The following MYH6 variants were observed in gnomAD, a reference collection of about 807,000 sequenced individuals.
MYH6 encodes the protein myosin heavy chain 6.
In MYH6, 126 loss-of-function variants were observed where a neutral mutation model predicts 223.2. The observed-to-expected ratio is 0.56, with a 90% CI of 0.49 to 0.65. The LOEUF is 0.65. MYH6 is among the 30% of genes least tolerant of loss of function. MYH6 has a pLI of 0.00. For synonymous variants in MYH6, 978 were observed against 1,010.2 expected, an observed-to-expected ratio of 0.97 and a Z score of 0.61; for missense variants, 2,040 against 2,536.4, an observed-to-expected ratio of 0.80 and a Z score of 4.20.
chr14:23,392,041 G>A (rs1240291345), intron 25 of MYH6, among the ~76,000 whole-genome samples: 1 of 152,142 alleles, frequency 6.6e-6, no homozygotes, highest in African/African-American at 2.4e-5. Context: ...CATTTTACAG[G>A]TGAGAAGAGA....
intron 29 of MYH6, 33 bp from the exon 30 acceptor site, chr14:23,388,371 A>G (rs1891106823): frequency 6.2e-7 from 1 of 1,608,346 alleles, no homozygotes; most frequent in African/African-American, 1.4e-5. Flanking sequence ...TGTGTGTGTG[A>G]CTCTACTGGG....
rs191670514 is a variant in MYH6, at chr14:23,403,847, A to C, written c.736-69T>G. ...AGAGTGAAATCCTGGCCCTCTGTTC[A>C]GCCCAGAAGCCCTGGATGGTTCTGG... On this transcript the variant is annotated intron_variant, in intron 8 of 38. Coordinates refer to ENST00000405093, the MANE Select transcript of MYH6 (RefSeq NM_002471.4). 3.9e-3 allele frequency: 5,157 copies of C among 1,339,410 alleles called. 21 individuals carry two copies. The highest frequency in any genetic ancestry group is 4.6e-3 in the Non-Finnish European group (4,339 of 950,000). The allele number at this position is 1,339,410 out of a possible 1,614,324, so 83.0% of individuals were successfully genotyped here.
chr14:23,394,697 T>C (rs893937535), intron 20 of MYH6, among the ~76,000 whole-genome samples: 3 of 152,140 alleles, frequency 2.0e-5, no homozygotes, highest in Non-Finnish European at 2.9e-5. Context: ...TCCATGAACC[T>C]ACCACTGAAA....
At chr14:23,403,892 G>T in intron 8 of MYH6, 114 bp from the exon 9 acceptor site, 1 of 928,380 alleles carries the variant, frequency 1.1e-6, no homozygotes, top group Non-Finnish European at 1.7e-6. Flanking sequence ...CGACCTCTTT[G>T]GTGTCTCAGT....
chr14:23,385,898 T>C, intron 34 of MYH6, 30 bp downstream of exon 34: 3 of 1,614,110 alleles, frequency 1.9e-6, no homozygotes, highest in Non-Finnish European at 2.5e-6. Context: ...ACTCAGTAGG[T>C]TTCCACAAGG....
At chr14:23,388,754 CTG>C in intron 29 of MYH6, 103 bp downstream of exon 29, 1 of 1,525,324 alleles carries the variant, frequency 6.6e-7, no homozygotes, top group South Asian at 1.1e-5. Flanking sequence ...CGAGTTCCTC[CTG>C]TCTCTTCCAC....
intron 29 of MYH6, 154 bp downstream of exon 29, chr14:23,388,703 CAA>C (rs1454145246): frequency 1.6e-5 from 20 of 1,233,944 alleles, no homozygotes; most frequent in Non-Finnish European, 2.0e-5. Flanking sequence ...GTTCACAGAG[CAA>C]AGAGTTCAGG....
At chr14:23,392,787 G>T in intron 24 of MYH6, 125 bp downstream of exon 24, 2 of 1,496,840 alleles carry the variant, frequency 1.3e-6, no homozygotes, top group Non-Finnish European at 1.8e-6. Context: ...GCGGAAGAGG[G>T]CTGTGATTGA....
In MYH6 at chr14:23,401,011, C is replaced by CTTTT. The variant is rs751108399; in HGVS notation, c.1142-38_1142-35dup. On this transcript the variant is annotated intron_variant, in intron 12 of 38. Transcript: ENST00000405093. ...GAGGGAAAGGATAAGTGAGCACTTC[C>CTTTT]TTTTTTTTTTTTTAAGATAGAGGCT... The CTTTT allele has an allele frequency of 2.7e-6, 4 of 1,456,194 alleles. No individual in the cohort carries two copies. In the African/African-American group the frequency reaches 5.7e-5, roughly 21 times the overall value. 90.2% of individuals were successfully genotyped at this position (1,456,194 alleles called of 1,614,324 possible). A position where few individuals can be genotyped will look rare whatever the true frequency, so the allele number is the denominator to read the frequency against.
At chr14:23,397,961 C>CTAT (rs1229057816) in intron 15 of MYH6, among the ~76,000 whole-genome samples, 2 of 120,888 alleles carry the variant, frequency 1.7e-5, no homozygotes, top group Non-Finnish European at 3.4e-5. Context: ...TCTTCTTCTT[C>CTAT]TTCTTCTTCT....
intron 16 of MYH6, 100 bp from the exon 17 acceptor site, chr14:23,397,357 G>T: frequency 7.5e-7 from 1 of 1,331,850 alleles, no homozygotes; most frequent in Non-Finnish European, 1.1e-6. Context: ...TCATCAAAGG[G>T]ACAGGGGCTG....
chr14:23,389,768 C>T (rs1008086421), intron 26 of MYH6, 49 bp from the exon 27 acceptor site: 2 of 1,613,620 alleles, frequency 1.2e-6, no homozygotes, highest in South Asian at 1.1e-5. Context: ...GCTGAGTCGA[C>T]CAGAGGAAGG....
intron 25 of MYH6, among the ~76,000 whole-genome samples, chr14:23,390,676 T>C (rs902245852): frequency 5.9e-5 from 9 of 152,074 alleles, no homozygotes; most frequent in Non-Finnish European, 1.2e-4. Context: ...CATCCTATAA[T>C]GCATAGGCCA....
Position 23,390,384 on chromosome 14 carries a change from C to A in MYH6, c.3405G>T (p.Glu1135Asp), listed in dbSNP as rs768443852. The A allele has an allele frequency of 1.2e-6, 2 of 1,607,426 alleles. No individual in the cohort carries two copies. Among genetic ancestry groups the A allele is most frequent in the Non-Finnish European group, 1.7e-6 (2 of 1,178,020 alleles). Residue 1135 changes from glutamate (E) to aspartate (D), a missense_variant, in exon 26 of 39, where the codon GAG becomes GAT. Physicochemically the swap from Glu to Asp is conservative, Grantham distance 45. Transcript: ENST00000405093. ...EAERTARAKV[E>D]KLRSDLSREL... The stretch of plus-strand genomic sequence containing the variant: ...CCCGAGACAGGTCTGAGCGCAGCTT[C>A]TCCACCTTAGCCCTGGCGGTGCGCT...
intron 25 of MYH6, 152 bp from the exon 26 acceptor site, chr14:23,390,598 C>A: frequency 6.8e-7 from 1 of 1,474,776 alleles, no homozygotes; most frequent in African/African-American, 1.4e-5. Context: ...TTGGCAATGT[C>A]TGATTGTCAT....
Position 23,405,785 on chromosome 14 carries a change from T to C in MYH6, c.202-15A>G, listed in dbSNP as rs551978659. ...ACAGTCACCGTCTGGAGGGGGCGCATAAGCAGGAGGATGAGTGACCACAAT... is the reference window on the plus strand; with the variant it reads ...ACAGTCACCGTCTGGAGGGGGCGCACAAGCAGGAGGATGAGTGACCACAAT... On this transcript the variant is annotated splice_polypyrimidine_tract_variant and intron_variant, in intron 3 of 38. Coordinates refer to ENST00000405093, the MANE Select transcript of MYH6 (RefSeq NM_002471.4). This position sits in a 1 kb window ranked among gnomAD's most constrained non-coding sequence, Gnocchi z 4.7. 6.2e-7 allele frequency: 1 copy of C among 1,614,074 alleles called. No homozygotes were observed. The highest frequency in any genetic ancestry group is 8.5e-7 in the Non-Finnish European group (1 of 1,179,978).
intron 38 of MYH6, 55 bp from the exon 39 acceptor site, chr14:23,382,118 G>A (rs1890880369): frequency 6.6e-7 from 1 of 1,518,908 alleles, no homozygotes; most frequent in African/African-American, 1.4e-5. Context: ...AGAAGTGTGT[G>A]GGGACAAATC....
rs759225988 is a variant in MYH6, at chr14:23,407,003, C to T, written c.201+20G>A. 3.8e-5 allele frequency: 62 copies of T among 1,612,106 alleles called. No individual in the cohort carries two copies. Among genetic ancestry groups the T allele is most frequent in the Non-Finnish European group, 4.5e-5 (53 of 1,178,482 alleles). On this transcript the variant is annotated intron_variant, in intron 3 of 38. Transcript: ENST00000405093. This position sits in a 1 kb window ranked among gnomAD's most constrained non-coding sequence, Gnocchi z 5.6. ...TCCCAGACCTCCTTCCCTTCTGCCC[C>T]GGCGCCATGCCCTACTCACCTTCCC...
At chr14:23,393,141 T>C (rs1891288412) in intron 23 of MYH6, 84 bp from the exon 24 acceptor site, 3 of 1,575,898 alleles carry the variant, frequency 1.9e-6, no homozygotes, top group Non-Finnish European at 2.6e-6. Context: ...AAACTTGAAG[T>C]CCAGTGGGAT....
Sources: allele counts gnomAD v4.1 joint callset (sites outside exome capture counted in the v4.1 genomes callset), GRCh38; gene constraint gnomAD v4.1.1; non-coding constraint Gnocchi (gnomAD v3.1); transcripts MANE v1.5; gene names NCBI Gene and HGNC (gene_info 2026-07-23, HGNC 2026-07-21).